The following NELL1 variants were observed in gnomAD, a reference collection of about 807,000 sequenced individuals.
NELL1 encodes the protein neural EGFL like 1.
Under a neutral mutation model 107.4 loss-of-function variants are expected in NELL1, and 76 were observed. That is an observed-to-expected ratio of 0.71 (90% confidence interval 0.59 to 0.86). NELL1 has a LOEUF of 0.86. NELL1 is among the 40% of genes least tolerant of loss of function. The probability of loss-of-function intolerance (pLI) is 0.00; values close to 1 mark genes in which losing one functional copy is unlikely to be tolerated. For synonymous variants in NELL1, 353 were observed against 341.2 expected (o/e 1.03, Z -0.38); for missense variants, 1,024 against 1,005.5 (o/e 1.02, Z -0.25).
chr11:21,008,781 C>A (rs1013374959), intron 12 of NELL1, among the ~76,000 whole-genome samples: 1 of 151,996 alleles, frequency 6.6e-6, no homozygotes, highest in Non-Finnish European at 1.5e-5. Context: ...TATCATAGTA[C>A]CAGCTCTTCT....
At chr11:21,193,326 C>G (rs971972726) in intron 13 of NELL1, among the ~76,000 whole-genome samples, 1 of 151,666 alleles carries the variant, frequency 6.6e-6, no homozygotes, top group Non-Finnish European at 1.5e-5. Flanking sequence ...AAATAAAGCA[C>G]GCAAGAACCT....
At chr11:21,366,014 C>G (rs1391415944) in intron 14 of NELL1, among the ~76,000 whole-genome samples, 1 of 152,054 alleles carries the variant, frequency 6.6e-6, no homozygotes, top group Non-Finnish European at 1.5e-5. Flanking sequence ...CTCGACTCAC[C>G]AAGTAATAGG....
At chr11:21,488,044 T>C (rs1028701922) in intron 15 of NELL1, among the ~76,000 whole-genome samples, 1 of 152,004 alleles carries the variant, frequency 6.6e-6, no homozygotes, top group African/African-American at 2.4e-5. Flanking sequence ...CAAATATTAC[T>C]AGATCTAAAG....
rs72029062 is a variant in NELL1, at chr11:21,161,000, TACACACACACAC to T, written c.1426+47318_1426+47329del. On this transcript the variant is annotated intron_variant, in intron 13 of 19. Transcript: ENST00000357134. ...GGTTTTAACCTCTTGCTAGCCTTTA[TACACACACACAC>T]ACACACACACACACACACACACACA... Among the ~76,000 whole-genome samples the T allele has an allele frequency of 1.0e-3, 148 of 143,232 alleles. 1 individual carries two copies. The highest frequency in any genetic ancestry group is 2.6e-3 in the African/African-American group (102 of 38,744). The allele number at this position is 143,232 out of a possible 152,430, so 94.0% of individuals were successfully genotyped here.
chr11:20,870,413 A>G lies in NELL1; in HGVS notation c.507-15031A>G, dbSNP rs1194131812. On this transcript the variant is annotated intron_variant, in intron 4 of 19. Transcript: ENST00000357134. ...TAAAGGAGTCGCCTGTGTGTCCTTA[A>G]TAATAGGCTTATTTGAGACATCTCT... Among the ~76,000 whole-genome samples the G allele has an allele frequency of 2.0e-5, 3 of 150,788 alleles. No individual in the cohort carries two copies. In the Admixed American group the frequency reaches 2.0e-4, roughly 10 times the overall value.
intron 14 of NELL1, among the ~76,000 whole-genome samples, chr11:21,291,856 G>C (rs892666731): frequency 6.6e-6 from 1 of 152,090 alleles, no homozygotes; most frequent in Non-Finnish European, 1.5e-5. Flanking sequence ...TGCAGAAAAG[G>C]CCTTTGACAA....
chr11:21,550,998 T>G (rs4438026), intron 16 of NELL1, among the ~76,000 whole-genome samples: 76,350 of 147,448 alleles, frequency 0.52, 20,682 homozygotes, highest in Non-Finnish European at 0.59. Context: ...CCATTTGGTT[T>G]TATCCTCTTT....
intron 15 of NELL1, among the ~76,000 whole-genome samples, chr11:21,524,343 A>G (rs990807827): frequency 6.6e-6 from 1 of 152,186 alleles, no homozygotes; most frequent in African/African-American, 2.4e-5. Flanking sequence ...GTAGTAAATT[A>G]TTAATATATG....
At chr11:20,807,337 G>A (rs911589595) in intron 3 of NELL1, among the ~76,000 whole-genome samples, 1 of 152,198 alleles carries the variant, frequency 6.6e-6, no homozygotes, top group African/African-American at 2.4e-5. Flanking sequence ...TTTTGGATGA[G>A]ATCTGGAGAA....
chr11:21,169,200 A>G (rs1856550022), intron 13 of NELL1, among the ~76,000 whole-genome samples: 1 of 151,844 alleles, frequency 6.6e-6, no homozygotes, highest in Non-Finnish European at 1.5e-5. Flanking sequence ...GGGAACAACC[A>G]AGTGAAATTT....
chr11:20,761,907 A>T (rs1051265016), intron 2 of NELL1, among the ~76,000 whole-genome samples: 9 of 152,198 alleles, frequency 5.9e-5, no homozygotes, highest in Admixed American at 5.2e-4. Context: ...TATTTCTTTG[A>T]AAGACATACG....
intron 14 of NELL1, among the ~76,000 whole-genome samples, chr11:21,345,628 T>G (rs1850666687): frequency 6.6e-6 from 1 of 152,222 alleles, no homozygotes; most frequent in Non-Finnish European, 1.5e-5. Flanking sequence ...GCTATTGGAC[T>G]ATGCCTTGTC....
chr11:20,682,574 C>T (rs1224994228), intron 2 of NELL1, among the ~76,000 whole-genome samples: 2 of 151,882 alleles, frequency 1.3e-5, no homozygotes, highest in Non-Finnish European at 2.9e-5. Flanking sequence ...AAAAATTAAA[C>T]AGGTTTATTG....
chr11:21,351,419 A>G (rs865843041), intron 14 of NELL1, among the ~76,000 whole-genome samples: 2 of 152,114 alleles, frequency 1.3e-5, no homozygotes, highest in African/African-American at 4.8e-5. Context: ...GGAACATTTC[A>G]GCTGAGATTT....
At chr11:21,247,570 A>T (rs889216308) in intron 14 of NELL1, among the ~76,000 whole-genome samples, 1 of 152,256 alleles carries the variant, frequency 6.6e-6, no homozygotes, top group Admixed American at 6.5e-5. Context: ...GCACGCATGG[A>T]GGTGTCATCT....
chr11:21,233,805 A>G (rs1055751737), intron 14 of NELL1, among the ~76,000 whole-genome samples: 1 of 152,216 alleles, frequency 6.6e-6, no homozygotes, highest in Non-Finnish European at 1.5e-5. Context: ...CAGCTGATAG[A>G]CTATGTCTTC....
At chr11:20,690,191 C>T (rs1854424225) in intron 2 of NELL1, among the ~76,000 whole-genome samples, 2 of 152,146 alleles carry the variant, frequency 1.3e-5, no homozygotes. Flanking sequence ...AGCCCTTTGT[C>T]AGATGAGTAG....
chr11:21,083,428 C>T (rs778876532), intron 12 of NELL1, among the ~76,000 whole-genome samples: 9 of 152,108 alleles, frequency 5.9e-5, no homozygotes, highest in South Asian at 4.1e-4. Context: ...GTGACTTGCT[C>T]GAGGTCACAC....
chr11:21,319,286 G>A (rs1032614719), intron 14 of NELL1, among the ~76,000 whole-genome samples: 31 of 151,504 alleles, frequency 2.0e-4, no homozygotes, highest in East Asian at 1.8e-3. Flanking sequence ...AACAATTTGC[G>A]TGCCTCAGCC....
Sources: gnomAD v4.1 joint callset for allele counts (sites outside exome capture counted in the v4.1 genomes callset) on GRCh38, gnomAD v4.1.1 for gene constraint, MANE v1.5 for transcripts, NCBI Gene and HGNC (gene_info 2026-07-23, HGNC 2026-07-21) for gene names.